Variants in DRC8 observed in about 807,000 individuals in gnomAD.
DRC8 encodes dynein regulatory complex protein 8.
chr1:245,042,020 A>G, the DRC8 span, among the ~76,000 whole-genome samples: 2 of 152,228 alleles, frequency 1.3e-5, no homozygotes, highest in Non-Finnish European at 2.9e-5. Flanking sequence ...AGCTATGACA[A>G]TCATGGGTAT....
At chr1:245,104,270 C>T in the DRC8 span, among the ~76,000 whole-genome samples, 3 of 151,820 alleles carry the variant, frequency 2.0e-5, no homozygotes, top group Non-Finnish European at 2.9e-5. Context: ...TTGGGAGGCC[C>T]AGGCGGGCAG....
the DRC8 span, among the ~76,000 whole-genome samples, chr1:245,111,017 T>TA: frequency 5.1e-4 from 77 of 151,496 alleles, no homozygotes; most frequent in African/African-American, 1.6e-3. Context: ...ATTTTTTAAT[T>TA]AAAAAAAAAC....
chr1:245,041,348 A>G, the DRC8 span, among the ~76,000 whole-genome samples: 15 of 152,224 alleles, frequency 9.9e-5, no homozygotes, highest in Non-Finnish European at 5.9e-5. Flanking sequence ...TTGATCAGGA[A>G]GAAGTTGACC....
chr1:245,076,867 C>T, the DRC8 span, among the ~76,000 whole-genome samples: 1 of 152,108 alleles, frequency 6.6e-6, no homozygotes, highest in Non-Finnish European at 1.5e-5. Flanking sequence ...GCTGGGACTA[C>T]AGGTGCACAC....
At chr1:245,081,749 G>A in the DRC8 span, among the ~76,000 whole-genome samples, 7 of 152,156 alleles carry the variant, frequency 4.6e-5, no homozygotes, top group South Asian at 2.1e-4. Context: ...GATTACAGGC[G>A]TGAGCCACCA....
the DRC8 span, among the ~76,000 whole-genome samples, chr1:245,109,049 T>A: frequency 6.6e-6 from 1 of 152,198 alleles, no homozygotes; most frequent in Non-Finnish European, 1.5e-5. Context: ...AGCAGGCCAG[T>A]AAAGGGTGTG....
At chr1:245,041,481 C>T in the DRC8 span, among the ~76,000 whole-genome samples, 4 of 152,028 alleles carry the variant, frequency 2.6e-5, no homozygotes, top group Non-Finnish European at 4.4e-5. Context: ...AGAATGACAG[C>T]CTGTGGTCTA....
chr1:245,037,426 A>C, the DRC8 span, among the ~76,000 whole-genome samples: 7 of 152,224 alleles, frequency 4.6e-5, no homozygotes, highest in Non-Finnish European at 8.8e-5. Flanking sequence ...GAATTCACAC[A>C]TTCATAATTT....
At chr1:245,054,019 A>C in the DRC8 span, among the ~76,000 whole-genome samples, 2 of 151,118 alleles carry the variant, frequency 1.3e-5, no homozygotes, top group South Asian at 4.2e-4. Flanking sequence ...CCTTCTTTGC[A>C]CGGGCTCTTT....
At chr1:245,077,604 G>A in the DRC8 span, among the ~76,000 whole-genome samples, 1 of 152,160 alleles carries the variant, frequency 6.6e-6, no homozygotes, top group Middle Eastern at 3.2e-3. Context: ...CAGCAAGAGT[G>A]CCAAGAATAC....
the DRC8 span, among the ~76,000 whole-genome samples, chr1:245,008,622 T>C: frequency 6.6e-6 from 1 of 151,566 alleles, no homozygotes; most frequent in Non-Finnish European, 1.5e-5. Context: ...AAATATGAAC[T>C]AGGCCCCTAC....
chr1:244,990,138 T>C, the DRC8 span, among the ~76,000 whole-genome samples: 2 of 152,240 alleles, frequency 1.3e-5, no homozygotes, highest in African/African-American at 4.8e-5. Flanking sequence ...AGGTCAACAG[T>C]AGCCTGACAC....
chr1:245,010,145 G>A, the DRC8 span, among the ~76,000 whole-genome samples: 2 of 152,210 alleles, frequency 1.3e-5, no homozygotes, highest in African/African-American at 4.8e-5. Flanking sequence ...ACAAGCATGA[G>A]CCACCGCTCC....
the DRC8 span, among the ~76,000 whole-genome samples, chr1:245,070,782 T>G: frequency 3.3e-5 from 5 of 152,228 alleles, no homozygotes; most frequent in African/African-American, 1.2e-4. Flanking sequence ...AAAATTCATA[T>G]GTTGGAGCTT....
chr1:245,007,181 C>A, the DRC8 span, among the ~76,000 whole-genome samples: 7 of 151,926 alleles, frequency 4.6e-5, no homozygotes, highest in East Asian at 1.4e-3. Flanking sequence ...CAGACAAGTC[C>A]AGGTTGTGGG....
chr1:244,971,738 C>G, the DRC8 span, among the ~76,000 whole-genome samples: 2 of 152,266 alleles, frequency 1.3e-5, no homozygotes, highest in African/African-American at 2.4e-5. Flanking sequence ...GATATTTAGT[C>G]ACTTGTTCCG....
At chr1:245,083,636 TAA>T in the DRC8 span, 1 of 1,609,990 alleles carries the variant, frequency 6.2e-7, no homozygotes, top group Non-Finnish European at 8.5e-7. Flanking sequence ...TAGATTCAGC[TAA>T]ACGTGGGTTT....
the DRC8 span, among the ~76,000 whole-genome samples, chr1:245,075,140 G>A: frequency 0.082 from 12,481 of 152,158 alleles, 617 homozygotes; most frequent in African/African-American, 0.12. Flanking sequence ...TATTTAGTGG[G>A]TTCAGCATTA....
At chr1:245,095,359 GAAAT>G in the DRC8 span, among the ~76,000 whole-genome samples, 4 of 152,158 alleles carry the variant, frequency 2.6e-5, no homozygotes, top group African/African-American at 9.7e-5. Flanking sequence ...TTGGGGAAGA[GAAAT>G]AAATAAATAA....
Sources: allele counts gnomAD v4.1 joint callset (sites outside exome capture counted in the v4.1 genomes callset), GRCh38; gene constraint gnomAD v4.1.1; transcripts MANE v1.5; gene names NCBI Gene and HGNC (gene_info 2026-07-23, HGNC 2026-07-21).